Variants in LRRTM4 observed in about 807,000 individuals in gnomAD.
The protein encoded by LRRTM4 is leucine rich repeat transmembrane neuronal 4.
Under a neutral mutation model 47.6 loss-of-function variants are expected in LRRTM4, and 25 were observed. The ratio of observed to expected loss-of-function variants is 0.53; its 90% CI spans 0.38 to 0.73. The LOEUF (loss-of-function observed/expected upper bound fraction) is 0.73, where lower values mean the gene tolerates loss of function less well. Ranked by LOEUF, LRRTM4 falls within the 30% of genes least tolerant of loss-of-function variation. LRRTM4 has a pLI of 0.00. For synonymous variants in LRRTM4, 311 were observed against 269.5 expected (o/e 1.15, Z -1.51); for missense variants, 638 against 713.4 (o/e 0.89, Z 1.20).
At chr2:77,010,697 G>T (rs573127775) in intron 3 of LRRTM4, among the ~76,000 whole-genome samples, 1 of 152,010 alleles carries the variant, frequency 6.6e-6, no homozygotes, top group Non-Finnish European at 1.5e-5. Context: ...GTTCAAAACT[G>T]TATCTGCCTT....
chr2:77,305,415 T>C (rs931178225), intron 3 of LRRTM4, among the ~76,000 whole-genome samples: 1 of 152,100 alleles, frequency 6.6e-6, no homozygotes, highest in South Asian at 2.1e-4. Context: ...AGTTTCAATA[T>C]AGGTAGTAGC....
intron 3 of LRRTM4, among the ~76,000 whole-genome samples, chr2:77,287,680 C>T (rs747271997): frequency 7.5e-4 from 114 of 152,206 alleles, no homozygotes; most frequent in South Asian, 2.5e-3. Context: ...ATATTACCCA[C>T]CTGTTAGTAA....
intron 3 of LRRTM4, among the ~76,000 whole-genome samples, chr2:77,473,245 G>A (rs1444424468): frequency 1.3e-5 from 2 of 152,100 alleles, no homozygotes; most frequent in African/African-American, 4.8e-5. Context: ...ACAATATATT[G>A]TTGAAATGAT....
chr2:77,308,090 GAT>G (rs917780339), intron 3 of LRRTM4, among the ~76,000 whole-genome samples: 2 of 137,542 alleles, frequency 1.5e-5, no homozygotes, highest in Non-Finnish European at 3.1e-5. Context: ...TAGATATATA[GAT>G]ATATATGTAT....
chr2:77,255,863 G>C (rs910961300), intron 3 of LRRTM4, among the ~76,000 whole-genome samples: 1 of 151,672 alleles, frequency 6.6e-6, no homozygotes, highest in Non-Finnish European at 1.5e-5. Context: ...TAAGGAACTA[G>C]AAAAAGAAAA....
chr2:76,933,154 A>T (rs929340339), intron 3 of LRRTM4, among the ~76,000 whole-genome samples: 15 of 152,132 alleles, frequency 9.9e-5, no homozygotes, highest in African/African-American at 2.2e-4. Flanking sequence ...AGCACATTTT[A>T]AAAAATATGT....
At chr2:77,407,070 G>A (rs1031493424) in intron 3 of LRRTM4, among the ~76,000 whole-genome samples, 6 of 152,172 alleles carry the variant, frequency 3.9e-5, no homozygotes, top group Non-Finnish European at 7.4e-5. Context: ...TATTCCTTAC[G>A]ACGAGATTAT....
At chr2:76,863,638 C>A (rs1029910383) in intron 3 of LRRTM4, among the ~76,000 whole-genome samples, 5 of 152,032 alleles carry the variant, frequency 3.3e-5, no homozygotes, top group African/African-American at 1.2e-4. Context: ...TTTTATTCTC[C>A]CCTTTCCTTG....
chr2:77,104,484 G>T (rs1409858278), intron 3 of LRRTM4, among the ~76,000 whole-genome samples: 1 of 152,070 alleles, frequency 6.6e-6, no homozygotes, highest in African/African-American at 2.4e-5. Context: ...ATTTTTGTAG[G>T]TATTCCTTTA....
At chr2:77,025,742 T>G (rs903177887) in intron 3 of LRRTM4, among the ~76,000 whole-genome samples, 1 of 152,166 alleles carries the variant, frequency 6.6e-6, no homozygotes, top group Admixed American at 6.6e-5. Flanking sequence ...AGAAGCACTA[T>G]TATGAATCTT....
intron 3 of LRRTM4, among the ~76,000 whole-genome samples, chr2:77,365,619 A>G (rs1283772017): frequency 6.6e-6 from 1 of 151,816 alleles, no homozygotes; most frequent in Non-Finnish European, 1.5e-5. Context: ...ATATATGCAA[A>G]TAAAATATAT....
At position 76,805,789 on chromosome 2, in the gene LRRTM4, C is replaced by T. The variant is rs148146837; in HGVS notation, c.1552-56873G>A. On this transcript the variant is annotated intron_variant, in intron 3 of 3. Transcript: ENST00000409884. ...CCTTGAAGGTAGTTCCTCTTACTTC[C>T]CCTTACTGCAGACCTCCATAAAACA... Among the ~76,000 whole-genome samples the T allele has an allele frequency of 2.6e-3, 391 of 151,992 alleles. 2 individuals carry two copies. The highest frequency in any genetic ancestry group is 9.1e-3 in the African/African-American group (375 of 41,336).
intron 3 of LRRTM4, among the ~76,000 whole-genome samples, chr2:77,427,306 A>G (rs1292348477): frequency 6.6e-6 from 1 of 152,154 alleles, no homozygotes; most frequent in African/African-American, 2.4e-5. Context: ...AATTTAGCAA[A>G]GTGCTTGGGA....
At position 77,449,238 on chromosome 2, in the gene LRRTM4, T is replaced by A. The variant is rs370336089; in HGVS notation, c.1551+69080A>T. On this transcript the variant is annotated intron_variant, in intron 3 of 3. Coordinates refer to ENST00000409884, the MANE Select transcript of LRRTM4 (RefSeq NM_001134745.3). Reference sequence around the variant, plus strand: ...TACATTAAGAAATCCAAACAACATATAAATCTAGAAAAGTTTTATAGCGCA... The same window carrying A: ...TACATTAAGAAATCCAAACAACATAAAAATCTAGAAAAGTTTTATAGCGCA... Among the ~76,000 whole-genome samples, 88 of 152,266 alleles carry A rather than the reference T, an allele frequency of 5.8e-4. 1 individual carries two copies. The highest frequency in any genetic ancestry group is 5.0e-3 in the East Asian group (26 of 5,178).
intron 3 of LRRTM4, among the ~76,000 whole-genome samples, chr2:77,358,861 A>G (rs1489067878): frequency 6.6e-6 from 1 of 152,178 alleles, no homozygotes; most frequent in African/African-American, 2.4e-5. Flanking sequence ...GCAATTGTGT[A>G]TGGTGGCAGA....
chr2:77,356,902 A>AT (rs929989716), intron 3 of LRRTM4, among the ~76,000 whole-genome samples: 2 of 152,232 alleles, frequency 1.3e-5, no homozygotes, highest in African/African-American at 2.4e-5. Context: ...AATGTATTTG[A>AT]TTTTTTTGAA....
intron 3 of LRRTM4, among the ~76,000 whole-genome samples, chr2:76,892,037 T>C (rs74448595): frequency 0.01 from 1,580 of 151,784 alleles, 32 homozygotes; most frequent in African/African-American, 0.036. Flanking sequence ...TCCGGTATAC[T>C]GTGTAGAAAA....
chr2:77,256,825 A>T (rs1675781517), intron 3 of LRRTM4, among the ~76,000 whole-genome samples: 1 of 133,876 alleles, frequency 7.5e-6, no homozygotes, highest in African/African-American at 3.1e-5. Context: ...GATAAAGTCC[A>T]TAGGGAAGGA....
chr2:76,982,705 G>A (rs148942332), intron 3 of LRRTM4, among the ~76,000 whole-genome samples: 25 of 152,044 alleles, frequency 1.6e-4, no homozygotes, highest in African/African-American at 5.8e-4. Flanking sequence ...TCTGAAAGCC[G>A]AAGAGATGAA....
Sources: gnomAD v4.1 joint callset for allele counts (sites outside exome capture counted in the v4.1 genomes callset) on GRCh38, gnomAD v4.1.1 for gene constraint, MANE v1.5 for transcripts, NCBI Gene and HGNC (gene_info 2026-07-23, HGNC 2026-07-21) for gene names.